Variants in ERI3 observed in about 807,000 individuals in gnomAD.
The protein encoded by ERI3 is ERI1 exoribonuclease 3.
Under a neutral mutation model 44.4 loss-of-function variants are expected in ERI3, and 18 were observed. That is an observed-to-expected ratio of 0.41 (90% CI 0.28 to 0.60). ERI3 has a LOEUF of 0.60. Ranked by LOEUF, ERI3 falls within the 20% of genes least tolerant of loss-of-function variation. The pLI, the probability that ERI3 is intolerant of heterozygous loss-of-function variation, is 0.36. For missense variants in ERI3, 294 were observed against 435.5 expected (o/e 0.68, Z 2.89); for synonymous variants, 183 against 164.8 (o/e 1.11, Z -0.84).
At position 44,253,709 on chromosome 1, in the gene ERI3, A is replaced by T. The variant is rs189797472; in HGVS notation, c.832-5671T>A. ...CCCTGCAGTCCGGGGCTGCTGTGTT[A>T]AGTAGTGAGACTGCCTGAAGGTAGC... On this transcript the variant is annotated intron_variant, in intron 7 of 8. Coordinates refer to ENST00000372257, the MANE Select transcript of ERI3 (RefSeq NM_024066.3). Among the ~76,000 whole-genome samples the T allele has an allele frequency of 2.6e-3, 398 of 152,274 alleles. 1 individual carries two copies. The highest frequency in any genetic ancestry group is 9.2e-3 in the African/African-American group (381 of 41,542).
At chr1:44,346,884 C>T (rs1024696200) in intron 2 of ERI3, among the ~76,000 whole-genome samples, 3 of 152,132 alleles carry the variant, frequency 2.0e-5, no homozygotes, top group Admixed American at 6.5e-5. Flanking sequence ...CAATAGCAAG[C>T]GCTCAATAAA....
chr1:44,280,736 A>G (rs1645268179), intron 7 of ERI3, among the ~76,000 whole-genome samples: 1 of 152,208 alleles, frequency 6.6e-6, no homozygotes, highest in Non-Finnish European at 1.5e-5. Context: ...CTTAGAATGC[A>G]AATCAGATGA....
intron 1 of ERI3, 35 bp downstream of exon 1, chr1:44,354,857 G>A (rs368743458): frequency 3.0e-6 from 4 of 1,314,656 alleles, no homozygotes; most frequent in African/African-American, 1.5e-5. Context: ...ATTAACCAGG[G>A]CCCAATCTTG....
intron 7 of ERI3, among the ~76,000 whole-genome samples, chr1:44,276,731 T>C (rs1319650391): frequency 6.6e-6 from 1 of 152,220 alleles, no homozygotes; most frequent in Non-Finnish European, 1.5e-5. Flanking sequence ...CCCTGCTATC[T>C]TCTTTTCCCC....
intron 6 of ERI3, among the ~76,000 whole-genome samples, chr1:44,296,171 A>G (rs561230297): frequency 3.9e-5 from 6 of 152,140 alleles, no homozygotes; most frequent in Non-Finnish European, 7.4e-5. Context: ...GCCAGGGAGG[A>G]CAGCCATTAG....
intron 6 of ERI3, among the ~76,000 whole-genome samples, chr1:44,298,659 A>C (rs530721347): frequency 7.7e-4 from 117 of 152,310 alleles, no homozygotes; most frequent in African/African-American, 2.7e-3. Flanking sequence ...TCATGCCTGT[A>C]ATCTCAGCAC....
intron 2 of ERI3, among the ~76,000 whole-genome samples, chr1:44,342,159 G>A (rs1464892830): frequency 1.3e-5 from 2 of 152,084 alleles, no homozygotes; most frequent in African/African-American, 4.8e-5. Context: ...GAGGTCTGGG[G>A]GACACTGTCA....
At chr1:44,308,527 C>G in intron 5 of ERI3, 126 bp from the exon 6 acceptor site, 1 of 784,414 alleles carries the variant, frequency 1.3e-6, no homozygotes. Context: ...TCTTATCCAG[C>G]CATGGCTCCA....
Position 44,247,924 on chromosome 1 carries a change from T to C in ERI3, c.931+15A>G, listed in dbSNP as rs774729054. 28 of 1,598,648 alleles carry C rather than the reference T, an allele frequency of 1.8e-5. No homozygotes were observed. Among genetic ancestry groups the C allele is most frequent in the South Asian group, 1.3e-4 (12 of 89,140 alleles). On this transcript the variant is annotated intron_variant, in intron 8 of 8. Transcript: ENST00000372257. Reference sequence around the variant, plus strand: ...GATGGATGGAGCTGCCGGGGGAATATGCGAAGGGACTGACCAATGCCGCTG... The same window carrying C: ...GATGGATGGAGCTGCCGGGGGAATACGCGAAGGGACTGACCAATGCCGCTG...
intron 7 of ERI3, among the ~76,000 whole-genome samples, chr1:44,249,580 A>T (rs547464576): frequency 7.7e-4 from 117 of 152,334 alleles, no homozygotes; most frequent in African/African-American, 2.5e-3. Context: ...CCTTGACCGC[A>T]GAGGTACCAG....
Position 44,339,123 on chromosome 1 carries a change from G to C in ERI3, c.411C>G (p.Ser137=). 1 of 1,614,052 alleles carries C rather than the reference G, an allele frequency of 6.2e-7. No homozygotes were observed. Among genetic ancestry groups the C allele is most frequent in the Non-Finnish European group, 8.5e-7 (1 of 1,180,002 alleles). Residue 137 remains serine (S), a synonymous_variant, in exon 3 of 9, where the codon TCC becomes TCG. Coordinates refer to ENST00000372257, the MANE Select transcript of ERI3 (RefSeq NM_024066.3). ...AGTAGTGATACCTCTGGGGAGGGAA[G>C]GACACCATTGCCGCCATGGATGCGC... ...GFGASMAAMV[S]FPPQRYHYFL...
chr1:44,303,797 C>T (rs1437211008), intron 6 of ERI3, among the ~76,000 whole-genome samples: 1 of 151,990 alleles, frequency 6.6e-6, no homozygotes, highest in Non-Finnish European at 1.5e-5. Context: ...AGGTATTAAG[C>T]CGAGGGGTGA....
chr1:44,313,716 C>T (rs1202305499), intron 4 of ERI3, among the ~76,000 whole-genome samples: 1 of 152,170 alleles, frequency 6.6e-6, no homozygotes, highest in Admixed American at 6.5e-5. Flanking sequence ...ATATCCAGCA[C>T]TGCCCCCTCC....
rs1213027008 is a variant in ERI3 at position 44,339,261 on chromosome 1, AG to A, written c.272del (p.Ser91PhefsTer57). The A allele has an allele frequency of 6.2e-7, 1 of 1,613,620 alleles. No homozygotes were observed. ...TTCTTGCTCTTGAAAGTAAATACGA[AG>A]AAAATCGAGCTGCTCCAGTCTGTAA... The part of the protein sequence containing the change: ...APLQTGAARF[S>X]SYLLSRARKV... On this transcript the variant is annotated frameshift_variant, in exon 3 of 9. Coordinates refer to ENST00000372257, the MANE Select transcript of ERI3 (RefSeq NM_024066.3). LOFTEE classifies it high-confidence loss of function.
intron 7 of ERI3, among the ~76,000 whole-genome samples, chr1:44,274,949 A>T (rs985385722): frequency 3.3e-5 from 5 of 152,124 alleles, no homozygotes; most frequent in African/African-American, 1.2e-4. Flanking sequence ...TCCCATCAGG[A>T]CACCAGCCCA....
At chr1:44,281,608 A>ATATATG (rs1645287836) in intron 7 of ERI3, among the ~76,000 whole-genome samples, 1 of 143,964 alleles carries the variant, frequency 6.9e-6, no homozygotes, top group South Asian at 2.1e-4. Flanking sequence ...AAAAATATAT[A>ATATATG]TATATATATA....
intron 7 of ERI3, among the ~76,000 whole-genome samples, chr1:44,265,841 A>G (rs1015958486): frequency 6.6e-6 from 1 of 152,210 alleles, no homozygotes; most frequent in East Asian, 1.9e-4. Context: ...ATAGAGATGG[A>G]AAGTAGATGA....
rs183499222 is a variant in ERI3, at chr1:44,325,354, C to T, written c.490-5610G>A. Among the ~76,000 whole-genome samples the T allele has an allele frequency of 1.5e-3, 224 of 152,254 alleles. 1 individual carries two copies. Among genetic ancestry groups the T allele is most frequent in the African/African-American group, 5.2e-3 (217 of 41,542 alleles). On this transcript the variant is annotated intron_variant, in intron 3 of 8. Transcript: ENST00000372257. ...TCTCCCAAAGTGCTGGGATTACAGG[C>T]TTGAGCCACCACGCCCGGCCCCTGG...
At chr1:44,311,260 C>T (rs1333495681) in intron 5 of ERI3, among the ~76,000 whole-genome samples, 1 of 152,184 alleles carries the variant, frequency 6.6e-6, no homozygotes, top group African/African-American at 2.4e-5. Flanking sequence ...ACTCAACACT[C>T]AGTGGGGTCC....
Sources: gnomAD v4.1 joint callset for allele counts (sites outside exome capture counted in the v4.1 genomes callset) on GRCh38, gnomAD v4.1.1 for gene constraint, MANE v1.5 for transcripts, NCBI Gene and HGNC (gene_info 2026-07-23, HGNC 2026-07-21) for gene names.